Variants in DENND2B observed in about 807,000 individuals in gnomAD.
DENND2B encodes DENN domain-containing protein 2B.
DENND2B carries 32 observed loss-of-function variants against 116.0 expected under a neutral mutation model. The observed-to-expected ratio is 0.28, with a 90% confidence interval of 0.21 to 0.37. The LOEUF (loss-of-function observed/expected upper bound fraction) is 0.37. DENND2B is among the 10% of genes least tolerant of loss of function. The pLI, the probability that DENND2B is intolerant of heterozygous loss-of-function variation, is 1.00. For missense variants in DENND2B, 1,276 were observed against 1,477.7 expected (o/e 0.86, Z 2.24); for synonymous variants, 588 against 583.9 (o/e 1.01, Z -0.10).
chr11:8,897,442 ATGAAAATCAGCAGCTC>A (rs2064117268), intron 1 of DENND2B, among the ~76,000 whole-genome samples: 1 of 152,226 alleles, frequency 6.6e-6, no homozygotes, highest in Non-Finnish European at 1.5e-5. Context: ...AGTAAAATCC[ATGAAAATCAGCAGCTC>A]TGCAATGTAA....
chr11:8,873,341 T>G (rs991830492), upstream of DENND2B, among the ~76,000 whole-genome samples: 1 of 152,228 alleles, frequency 6.6e-6, no homozygotes, highest in African/African-American at 2.4e-5. Context: ...ATATAAATAC[T>G]TGTTCTTTTT....
At chr11:8,903,191 A>AT (rs1385679124) in intron 1 of DENND2B, among the ~76,000 whole-genome samples, 1 of 152,012 alleles carries the variant, frequency 6.6e-6, no homozygotes, top group Non-Finnish European at 1.5e-5. Flanking sequence ...TTATTTATTT[A>AT]TTTTTTGAGA....
chr11:8,744,338 T>C (rs538916104), intron 2 of DENND2B, among the ~76,000 whole-genome samples: 1 of 152,106 alleles, frequency 6.6e-6, no homozygotes, highest in East Asian at 1.9e-4. Context: ...TTCTCCATGT[T>C]GGTCAGGCTG....
At chr11:8,788,485 C>A (rs79004964) in intron 1 of DENND2B, among the ~76,000 whole-genome samples, 2,331 of 152,298 alleles carry the variant, frequency 0.015, 31 homozygotes, top group Middle Eastern at 0.071. Flanking sequence ...TCTTCTTCCA[C>A]CACTGGCTAA....
At chr11:8,769,448 C>T (rs906169150) in intron 1 of DENND2B, among the ~76,000 whole-genome samples, 13 of 151,910 alleles carry the variant, frequency 8.6e-5, no homozygotes, top group Admixed American at 6.6e-4. Flanking sequence ...TTAGTAGAGA[C>T]GGAGTTTCAC....
At chr11:8,910,201 C>T (rs2064299196) in intron 1 of DENND2B, among the ~76,000 whole-genome samples, 1 of 151,620 alleles carries the variant, frequency 6.6e-6, no homozygotes, top group Admixed American at 6.6e-5. Flanking sequence ...TCTCAGGCGC[C>T]CCCTGCCCCG....
upstream of DENND2B, among the ~76,000 whole-genome samples, chr11:8,815,558 C>A (rs1171966777): frequency 6.6e-6 from 1 of 152,172 alleles, no homozygotes; most frequent in Non-Finnish European, 1.5e-5. Context: ...CATGCTGTTA[C>A]CTTTATCTGA....
chr11:8,855,207 T>C (rs76346649), intron 3 of DENND2B, among the ~76,000 whole-genome samples: 1 of 147,080 alleles, frequency 6.8e-6, no homozygotes, highest in East Asian at 2.1e-4. Context: ...GAGGGAAGAG[T>C]AGAGAAGAGA....
chr11:8,852,287 T>G (rs2063035471), intron 3 of DENND2B, among the ~76,000 whole-genome samples: 1 of 152,172 alleles, frequency 6.6e-6, no homozygotes. Context: ...GGAATTATCC[T>G]GTCAAAGAAG....
rs200034745 is a variant in DENND2B, at chr11:8,717,688, C to T, written c.1629+53G>A. 10 of 1,480,586 alleles carry T rather than the reference C, an allele frequency of 6.8e-6. No homozygotes were observed. The South Asian group carries it at 9.0e-5, about 13-fold the overall frequency. The allele number at this position is 1,480,586 out of a possible 1,614,324, so 91.7% of individuals were successfully genotyped here. On this transcript the variant is annotated intron_variant, in intron 5 of 19. Transcript: ENST00000313726. Reference sequence around the variant, plus strand: ...GGGCCCAAGTCTTGGAAGAGCAGGCCCCCACTGTGGCCCTCACGCTAACCC... The same window carrying T: ...GGGCCCAAGTCTTGGAAGAGCAGGCTCCCACTGTGGCCCTCACGCTAACCC...
chr11:8,751,589 G>T (rs192440313), intron 1 of DENND2B, among the ~76,000 whole-genome samples: 5 of 142,600 alleles, frequency 3.5e-5, no homozygotes, highest in East Asian at 2.2e-4. Context: ...AAAAAACTCC[G>T]AACACATCCG....
In DENND2B at chr11:8,764,085, A is replaced by C. The variant is rs142487421; in HGVS notation, c.-25-13360T>G. Among the ~76,000 whole-genome samples the C allele has an allele frequency of 8.0e-3, 1,223 of 152,216 alleles. 21 individuals are homozygous for C. Among genetic ancestry groups the C allele is most frequent in the African/African-American group, 0.028 (1,173 of 41,548 alleles). Reference sequence around the variant, plus strand: ...CTAAAAATACAAAAATTAGCTAGGCATGAAGGCAGGTGCCTGTAATCCTAC... The same window carrying C: ...CTAAAAATACAAAAATTAGCTAGGCCTGAAGGCAGGTGCCTGTAATCCTAC... On this transcript the variant is annotated intron_variant, in intron 1 of 19. Coordinates refer to ENST00000313726, the MANE Select transcript of DENND2B (RefSeq NM_213618.2).
intron 1 of DENND2B, among the ~76,000 whole-genome samples, chr11:8,892,959 G>A (rs899544114): frequency 1.3e-5 from 2 of 152,148 alleles, no homozygotes; most frequent in African/African-American, 4.8e-5. Flanking sequence ...GAGAATTTTA[G>A]ACCAATATCC....
rs150863750 is a variant in DENND2B at position 8,731,152 on chromosome 11, C to G, written c.138G>C (p.Pro46=). 1 of 1,563,420 alleles carries G rather than the reference C, an allele frequency of 6.4e-7. No homozygotes were observed. Among genetic ancestry groups the G allele is most frequent in the Admixed American group, 1.8e-5 (1 of 54,418 alleles). ...VLSPPRSPIY[P]LSDSETSACR... ...AGGCTGAGGTTTCACTATCACTGAG[C>G]GGGTAGATGGGACTCCTTGGTGGGG... The change falls in exon 3 of 20, where the codon CCG becomes CCC. Residue 46 remains proline, a synonymous_variant. Coordinates refer to ENST00000313726, the MANE Select transcript of DENND2B (RefSeq NM_213618.2).
rs190337161 is a variant in DENND2B at position 8,712,594 on chromosome 11, G to A, written c.2129C>T (p.Ser710Leu). The change falls in exon 9 of 20, where the codon TCG becomes TTG. Residue 710 changes from serine to leucine, a missense_variant. Around this residue, in one of 2 missense-constraint regions of DENND2B, gnomAD observed 420 missense variants for 631.1 expected, o/e 0.67. Transcript: ENST00000313726. This position sits in a 1 kb window ranked among gnomAD's most constrained non-coding sequence, Gnocchi z 4.4. ...GACTTCGGGGAGGTAGGTGTTTCGC[G>A]ATGGCTTCTTCTTGAGGGACACCAC... is the stretch of plus-strand genomic sequence containing the variant. ...FVVVSLKKKPSRNTYLPEVSY... is the reference protein window; with the variant it reads ...FVVVSLKKKPLRNTYLPEVSY... 34 of 1,558,246 alleles carry A rather than the reference G, an allele frequency of 2.2e-5. No homozygotes were observed. The highest frequency in any genetic ancestry group is 2.8e-5 in the Non-Finnish European group (32 of 1,150,320).
intron 2 of DENND2B, among the ~76,000 whole-genome samples, chr11:8,738,530 A>G (rs1049328226): frequency 4.6e-5 from 7 of 152,032 alleles, no homozygotes; most frequent in African/African-American, 1.7e-4. Context: ...CCCCAAACAC[A>G]TTGATCTACT....
intron 8 of DENND2B, among the ~76,000 whole-genome samples, chr11:8,713,277 G>T: frequency 6.6e-6 from 1 of 152,158 alleles, no homozygotes; most frequent in Non-Finnish European, 1.5e-5. Flanking sequence ...CAGGGGAGAT[G>T]GGGGACTGCA....
chr11:8,798,013 C>A (rs1049963997), intron 1 of DENND2B, among the ~76,000 whole-genome samples: 1 of 152,224 alleles, frequency 6.6e-6, no homozygotes, highest in Non-Finnish European at 1.5e-5. Context: ...CATCCTTGAG[C>A]TCACAGTTCA....
intron 2 of DENND2B, among the ~76,000 whole-genome samples, chr11:8,737,016 G>A (rs190343451): frequency 1.1e-3 from 175 of 152,338 alleles, no homozygotes; most frequent in African/African-American, 4.0e-3. Flanking sequence ...CGGATCAGAA[G>A]GGTACTGGTA....
Sources: allele counts gnomAD v4.1 joint callset (sites outside exome capture counted in the v4.1 genomes callset), GRCh38; gene constraint gnomAD v4.1.1; regional missense constraint gnomAD v4.1.1; non-coding constraint Gnocchi (gnomAD v3.1); transcripts MANE v1.5; gene names NCBI Gene and HGNC (gene_info 2026-07-23, HGNC 2026-07-21).